Variants in C16orf74 observed in about 807,000 individuals in gnomAD.
The protein encoded by C16orf74 is uncharacterized protein C16orf74.
Under a neutral mutation model 6.5 loss-of-function variants are expected in C16orf74, and 10 were observed. The observed-to-expected ratio is 1.54, with a 90% CI of 0.95 to 2.61. The LOEUF is 2.61. Among genes scored for constraint, C16orf74 ranks in the 30% most tolerant of loss-of-function variants. C16orf74 has a pLI of 0.00. For missense variants in C16orf74, 141 were observed against 105.9 expected (o/e 1.33, Z -1.45); for synonymous variants, 60 against 42.5 (o/e 1.41, Z -1.60).
intron 1 of C16orf74, 128 bp from the exon 2 acceptor site, chr16:85,735,363 G>A (rs968973891): frequency 3.9e-5 from 19 of 489,980 alleles, no homozygotes; most frequent in African/African-American, 2.6e-4. Flanking sequence ...AGAAACCACC[G>A]GCCTCCAGGT....
At chr16:85,728,658 A>G (rs990249891) in intron 2 of C16orf74, among the ~76,000 whole-genome samples, 12 of 152,154 alleles carry the variant, frequency 7.9e-5, no homozygotes, top group African/African-American at 1.2e-4. Context: ...ACCTGCAGCC[A>G]CCTCCATAGC....
At chr16:85,711,421 C>T (rs1296506982) in intron 2 of C16orf74, among the ~76,000 whole-genome samples, 1 of 150,636 alleles carries the variant, frequency 6.6e-6, no homozygotes, top group South Asian at 2.1e-4. Flanking sequence ...TGGAGACCAG[C>T]CTGACCAACA....
intron 2 of C16orf74, among the ~76,000 whole-genome samples, chr16:85,716,848 A>C (rs1416368794): frequency 6.6e-6 from 1 of 152,148 alleles, no homozygotes; most frequent in Non-Finnish European, 1.5e-5. Context: ...GGGGATTAAA[A>C]ACCAAATGCC....
Position 85,707,877 on chromosome 16 carries a change from G to A in C16orf74, c.*131C>T, listed in dbSNP as rs146658214. Reference sequence around the variant, plus strand: ...CTCGCTGGTCCTGCCACGTCTCTCTGAGCGGAGGCCCGGGTTCGCTCAGTT... The same window carrying A: ...CTCGCTGGTCCTGCCACGTCTCTCTAAGCGGAGGCCCGGGTTCGCTCAGTT... On this transcript the variant is annotated 3_prime_UTR_variant, in exon 4 of 4. Transcript: ENST00000284245. 4.2e-6 allele frequency: 3 copies of A among 713,842 alleles called. No individual in the cohort carries two copies. Among genetic ancestry groups the A allele is most frequent in the Non-Finnish European group, 4.7e-6 (2 of 424,554 alleles). The allele number at this position is 713,842 out of a possible 1,614,324, so 44.2% of individuals were successfully genotyped here.
At chr16:85,745,780 G>T (rs1343334900) in intron 1 of C16orf74, among the ~76,000 whole-genome samples, 2 of 150,274 alleles carry the variant, frequency 1.3e-5, no homozygotes, top group Non-Finnish European at 1.5e-5. Flanking sequence ...CCGCTGGCTG[G>T]AGGGACCCTG....
chr16:85,735,090 C>A, intron 2 of C16orf74, 100 bp downstream of exon 2: 1 of 1,005,446 alleles, frequency 9.9e-7, no homozygotes, highest in South Asian at 1.6e-5. Context: ...TGCCCTGCTC[C>A]CTCTGCAGGG....
chr16:85,710,095 G>A lies in C16orf74; in HGVS notation c.172+69C>T, dbSNP rs1053580836. On this transcript the variant is annotated intron_variant, in intron 3 of 3. Transcript: ENST00000284245. ...GCTAGGCCCCGTGGCCAGGAAGGACGCCCCTGAGAGCTGTCTCCACCGGGC... is the reference window on the plus strand; with the variant it reads ...GCTAGGCCCCGTGGCCAGGAAGGACACCCCTGAGAGCTGTCTCCACCGGGC... 8.4e-6 allele frequency: 11 copies of A among 1,302,208 alleles called. No individual in the cohort carries two copies. The African/African-American group carries it at 1.3e-4, about 15-fold the overall frequency. The allele number at this position is 1,302,208 out of a possible 1,614,324, so 80.7% of individuals were successfully genotyped here. A position where few individuals can be genotyped will look rare whatever the true frequency, so the allele number is the denominator to read the frequency against.
chr16:85,721,838 C>A (rs1490790089), intron 2 of C16orf74, among the ~76,000 whole-genome samples: 3 of 152,210 alleles, frequency 2.0e-5, no homozygotes, highest in African/African-American at 7.2e-5. Context: ...CCAGAGGAAC[C>A]CAAGCCCCCA....
At chr16:85,718,168 C>A (rs1449999895) in intron 2 of C16orf74, among the ~76,000 whole-genome samples, 1 of 152,222 alleles carries the variant, frequency 6.6e-6, no homozygotes. Context: ...TTCCCTGGCT[C>A]AAGCGATTCT....
At position 85,744,883 on chromosome 16, in the gene C16orf74, T is replaced by C. The variant is rs148014914; in HGVS notation, c.-19+6043A>G. On this transcript the variant is annotated intron_variant, in intron 1 of 3. Coordinates refer to ENST00000284245, the MANE Select transcript of C16orf74 (RefSeq NM_206967.3). The stretch of plus-strand genomic sequence containing the variant: ...TCAGCCGGGTGCAGTGGTTTACGCC[T>C]GTAATACCATCACTTTGGGAGGCCG... Among the ~76,000 whole-genome samples, 556 of 147,974 alleles carry C rather than the reference T, an allele frequency of 3.8e-3. 18 individuals are homozygous for C. In the East Asian group the frequency reaches 0.077, roughly 21 times the overall value.
At chr16:85,728,726 G>A (rs144814402) in intron 2 of C16orf74, among the ~76,000 whole-genome samples, 7 of 152,262 alleles carry the variant, frequency 4.6e-5, no homozygotes, top group Non-Finnish European at 5.9e-5. Flanking sequence ...GAAAACTCTC[G>A]AGACCTGACC....
intron 2 of C16orf74, among the ~76,000 whole-genome samples, chr16:85,733,114 G>A (rs534391909): frequency 6.6e-6 from 1 of 152,348 alleles, no homozygotes; most frequent in Admixed American, 6.5e-5. Flanking sequence ...CTCCGTCAAA[G>A]ATGTCCTGAC....
In C16orf74 at chr16:85,750,934, T is replaced by C. The variant is rs1300491490; in HGVS notation, c.-27A>G. 6.7e-6 allele frequency: 1 copy of C among 149,812 alleles called. No individual in the cohort carries two copies. Among genetic ancestry groups the C allele is most frequent in the Non-Finnish European group, 1.5e-5 (1 of 67,376 alleles). 9.3% of individuals were successfully genotyped at this position (149,812 alleles called of 1,614,324 possible). ...AGGCGCGGGGCACTCACCGCTTCCT[T>C]CTTGGTGGGCTCACTGCGGAGCCGC... On this transcript the variant is annotated 5_prime_UTR_variant, in exon 1 of 4. Coordinates refer to ENST00000284245, the MANE Select transcript of C16orf74 (RefSeq NM_206967.3).
intron 2 of C16orf74, among the ~76,000 whole-genome samples, chr16:85,733,791 G>C (rs552153615): frequency 2.0e-5 from 3 of 152,234 alleles, no homozygotes; most frequent in Admixed American, 1.3e-4. Flanking sequence ...GTCCTGGAGA[G>C]GACGTGGGCT....
chr16:85,732,628 T>C (rs1194790475), intron 2 of C16orf74, among the ~76,000 whole-genome samples: 2 of 124,664 alleles, frequency 1.6e-5, no homozygotes, highest in Admixed American at 1.1e-4. Flanking sequence ...ATTGCACCAC[T>C]GCACTCCAGC....
intron 1 of C16orf74, among the ~76,000 whole-genome samples, chr16:85,747,523 G>A (rs966965655): frequency 1.3e-5 from 2 of 152,106 alleles, no homozygotes; most frequent in African/African-American, 4.8e-5. Context: ...GCTGGGAGGA[G>A]CATGAAGGGA....
intron 3 of C16orf74, among the ~76,000 whole-genome samples, chr16:85,709,495 GTTATTATTA>G (rs57478569): frequency 0.36 from 53,433 of 147,342 alleles, 11,652 homozygotes; most frequent in East Asian, 0.71. Context: ...CATCCCCAAT[GTTATTATTA>G]TTATTATTAT....
chr16:85,743,154 T>A (rs1414138263), intron 1 of C16orf74: 2 of 152,222 alleles, frequency 1.3e-5, no homozygotes, highest in Middle Eastern at 3.2e-3. Flanking sequence ...AGACCACAGA[T>A]GCTTTCATGC....
chr16:85,725,653 T>C (rs982657966), intron 2 of C16orf74, among the ~76,000 whole-genome samples: 1 of 152,144 alleles, frequency 6.6e-6, no homozygotes, highest in African/African-American at 2.4e-5. Context: ...TTTGGCAATT[T>C]GGCAAAATTT....
Sources: gnomAD v4.1 joint callset for allele counts (sites outside exome capture counted in the v4.1 genomes callset) on GRCh38, gnomAD v4.1.1 for gene constraint, MANE v1.5 for transcripts, NCBI Gene and HGNC (gene_info 2026-07-23, HGNC 2026-07-21) for gene names.